FBXL13: variants seen among roughly 807,000 people sequenced by gnomAD.
The protein encoded by FBXL13 is F-box and leucine rich repeat protein 13, also known as F-box and leucine-rich repeat protein 13.
FBXL13 carries 67 observed loss-of-function variants against 83.6 expected under a neutral mutation model. The ratio of observed to expected loss-of-function variants is 0.80; its 90% CI spans 0.66 to 0.98. The LOEUF (loss-of-function observed/expected upper bound fraction) is 0.98, where lower values mean the gene tolerates loss of function less well. Among genes scored for constraint, FBXL13 ranks in the 50% least tolerant of loss-of-function variants. The pLI is 0.00. For synonymous variants in FBXL13, 272 were observed against 299.5 expected (o/e 0.91, Z 0.95); for missense variants, 822 against 866.5 (o/e 0.95, Z 0.64).
intron 8 of FBXL13, among the ~76,000 whole-genome samples, chr7:102,959,261 T>C (rs1405166946): frequency 6.6e-6 from 1 of 152,046 alleles, no homozygotes; most frequent in African/African-American, 2.4e-5. Context: ...GCATAATTTC[T>C]TTTTTTCACT....
intron 2 of FBXL13, among the ~76,000 whole-genome samples, chr7:103,033,571 C>T (rs940450652): frequency 6.6e-6 from 1 of 152,056 alleles, no homozygotes; most frequent in Non-Finnish European, 1.5e-5. Flanking sequence ...CAGACCTTCC[C>T]GATGAGTGTT....
At chr7:102,933,982 A>G (rs556526506) in intron 8 of FBXL13, 3 of 1,614,174 alleles carry the variant, frequency 1.9e-6, no homozygotes, top group East Asian at 2.2e-5. Flanking sequence ...AAGCAAGCCC[A>G]GGCAGTGTGA....
chr7:102,984,756 G>A (rs1828739748), intron 6 of FBXL13, among the ~76,000 whole-genome samples: 1 of 152,142 alleles, frequency 6.6e-6, no homozygotes, highest in Admixed American at 6.5e-5. Context: ...GAAGAACCCT[G>A]CTATGTGCCA....
chr7:102,855,491 T>A (rs1197656685), intron 16 of FBXL13, among the ~76,000 whole-genome samples: 1 of 152,156 alleles, frequency 6.6e-6, no homozygotes, highest in Non-Finnish European at 1.5e-5. Context: ...TTTCCCCAAA[T>A]TTACTGGCAC....
intron 16 of FBXL13, among the ~76,000 whole-genome samples, chr7:102,875,610 A>C (rs1033864209): frequency 5.3e-5 from 8 of 152,174 alleles, no homozygotes; most frequent in African/African-American, 1.7e-4. Context: ...TCATTGTATC[A>C]GTTAAGAGTC....
chr7:102,867,738 T>C (rs1807956878), intron 16 of FBXL13, among the ~76,000 whole-genome samples: 1 of 137,348 alleles, frequency 7.3e-6, no homozygotes, highest in South Asian at 2.4e-4. Context: ...AGTCTTGCTG[T>C]GTCGCCCAGG....
Position 102,877,466 on chromosome 7 carries a change from C to G in FBXL13, c.1635+1G>C, listed in dbSNP as rs1809420141. Reference sequence around the variant, plus strand: ...CATTGTACTGTTTTGAATTTTTTTACCTCATTAGAGATGTCTGTTCCAGAG... The same window carrying G: ...CATTGTACTGTTTTGAATTTTTTTAGCTCATTAGAGATGTCTGTTCCAGAG... On this transcript the variant is annotated splice_donor_variant, in intron 16 of 19. Transcript: ENST00000313221. LOFTEE classifies it high-confidence loss of function. 24 of 1,576,934 alleles carry G rather than the reference C, an allele frequency of 1.5e-5. No homozygotes were observed. Among genetic ancestry groups the G allele is most frequent in the Non-Finnish European group, 2.0e-5 (23 of 1,166,734 alleles).
rs1810383836 is a variant in FBXL13, at chr7:102,883,471, T to C, written c.1226-4A>G. 1.9e-6 allele frequency: 3 copies of C among 1,604,086 alleles called. No individual in the cohort carries two copies. The highest frequency in any genetic ancestry group is 2.6e-6 in the Non-Finnish European group (3 of 1,175,620). On this transcript the variant is annotated splice_region_variant and splice_polypyrimidine_tract_variant and intron_variant, in intron 13 of 19. Coordinates refer to ENST00000313221, the Ensembl canonical transcript of FBXL13. Reference sequence around the variant, plus strand: ...GCATCAGTAACCCTTTTATTTCCTGTTTTTAAAAAACAGAAGAAAAGACAA... The same window carrying C: ...GCATCAGTAACCCTTTTATTTCCTGCTTTTAAAAAACAGAAGAAAAGACAA...
At chr7:102,933,734 A>G (rs546320945) in intron 8 of FBXL13, 3 of 536,264 alleles carry the variant, frequency 5.6e-6, no homozygotes, top group East Asian at 6.7e-5. Flanking sequence ...AGTGCTTGCA[A>G]TGGGCCTTAA....
chr7:102,913,287 T>C, intron 10 of FBXL13, 72 bp from the exon 12 acceptor site: 5 of 1,582,094 alleles, frequency 3.2e-6, no homozygotes, highest in Non-Finnish European at 4.3e-6. Context: ...TAAGCCACTA[T>C]GACAAAGAAA....
chr7:102,854,378 G>A (rs908873915), intron 17 of FBXL13, among the ~76,000 whole-genome samples: 1 of 152,102 alleles, frequency 6.6e-6, no homozygotes, highest in African/African-American at 2.4e-5. Context: ...TTGTGGGGTG[G>A]GGGGAGAGGG....
intron 2 of FBXL13, among the ~76,000 whole-genome samples, chr7:103,052,717 C>T (rs1237312150): frequency 2.0e-5 from 3 of 151,456 alleles, no homozygotes; most frequent in Non-Finnish European, 2.9e-5. Context: ...TTAACTTTTG[C>T]ATTTTCAACA....
At chr7:103,014,488 T>C (rs577351022) in intron 6 of FBXL13, among the ~76,000 whole-genome samples, 1 of 152,200 alleles carries the variant, frequency 6.6e-6, no homozygotes, top group African/African-American at 2.4e-5. Context: ...TTCTAAAAAA[T>C]TGAGGAGGAG....
chr7:103,024,793 GGATTATAGTGTATACATACATATAT>G (rs1307573100), intron 6 of FBXL13, among the ~76,000 whole-genome samples: 1 of 134,640 alleles, frequency 7.4e-6, no homozygotes, highest in African/African-American at 2.8e-5. Context: ...ATCAAGAGTA[GGATTATAGTGTATACATACATATAT>G]ATGTATATAT....
intron 19 of FBXL13, among the ~76,000 whole-genome samples, chr7:102,816,648 G>A (rs150629220): frequency 3.3e-5 from 5 of 152,138 alleles, no homozygotes; most frequent in Non-Finnish European, 7.3e-5. Flanking sequence ...GGGTGTACAC[G>A]TGCAGGTTTG....
At chr7:102,991,980 ATTCT>A (rs894203369) in intron 6 of FBXL13, among the ~76,000 whole-genome samples, 14 of 151,964 alleles carry the variant, frequency 9.2e-5, no homozygotes, top group African/African-American at 3.1e-4. Flanking sequence ...CTCCTCACTC[ATTCT>A]TTCACTCCAG....
intron 2 of FBXL13, among the ~76,000 whole-genome samples, chr7:103,042,973 A>T (rs1388999058): frequency 6.6e-6 from 1 of 152,218 alleles, no homozygotes; most frequent in Non-Finnish European, 1.5e-5. Flanking sequence ...GACACATGAG[A>T]TCTAATTAAA....
intron 2 of FBXL13, among the ~76,000 whole-genome samples, chr7:103,041,951 T>C (rs538450029): frequency 2.0e-5 from 3 of 152,310 alleles, no homozygotes; most frequent in South Asian, 4.1e-4. Flanking sequence ...CTATTCAACA[T>C]AGTTTTGGAA....
chr7:102,981,973 G>T lies in FBXL13; in HGVS notation c.496-13856C>A, dbSNP rs568031350. On this transcript the variant is annotated intron_variant, in intron 6 of 19. Transcript: ENST00000313221. ...TAATCCCAGCACTCTGTGAGGCTGA[G>T]GGGGGCAGATCACGAGGTCAATGCT... is the stretch of plus-strand genomic sequence containing the variant. Among the ~76,000 whole-genome samples, 268 of 152,250 alleles carry T rather than the reference G, an allele frequency of 1.8e-3. 2 individuals are homozygous for T. Among genetic ancestry groups the T allele is most frequent in the African/African-American group, 6.1e-3 (252 of 41,532 alleles).
Sources: allele counts gnomAD v4.1 joint callset (sites outside exome capture counted in the v4.1 genomes callset), GRCh38; gene constraint gnomAD v4.1.1; transcripts MANE v1.5; gene names NCBI Gene and HGNC (gene_info 2026-07-23, HGNC 2026-07-21).